Variants in CMTR1 observed in about 807,000 individuals in gnomAD.
CMTR1 encodes the protein cap methyltransferase 1, also known as cap-specific mRNA (nucleoside-2'-O-)-methyltransferase 1.
Under a neutral mutation model 107.0 loss-of-function variants are expected in CMTR1, and 39 were observed. The observed-to-expected ratio is 0.36, with a 90% CI of 0.28 to 0.48. CMTR1 has a LOEUF of 0.48. Ranked by LOEUF, CMTR1 falls within the 20% of genes least tolerant of loss-of-function variation. The pLI is 0.99. For synonymous variants in CMTR1, 366 were observed against 379.5 expected (o/e 0.96, Z 0.41); for missense variants, 672 against 1,064.9 (o/e 0.63, Z 5.14).
rs1562122766 is a variant in CMTR1 at position 37,458,315 on chromosome 6, A to G, written c.778-297A>G. The stretch of plus-strand genomic sequence containing the variant: ...AGGCTATCTGCCTCTCTGGCCTCCC[A>G]AAGTGCTGGGATTACAGGCTTGAGC... On this transcript the variant is annotated intron_variant, in intron 8 of 23. Coordinates refer to ENST00000373451, the MANE Select transcript of CMTR1 (RefSeq NM_015050.3). The surrounding 1 kb of genome is among the most constrained non-coding windows in gnomAD (Gnocchi z 4.7). 6.6e-6 allele frequency among the ~76,000 whole-genome samples: 1 copy of G among 152,118 alleles called. No individual in the cohort carries two copies. Among genetic ancestry groups the G allele is most frequent in the East Asian group, 1.9e-4 (1 of 5,196 alleles).
Position 37,478,392 on chromosome 6 carries a change from C to A in CMTR1, c.2154-17C>A. On this transcript the variant is annotated splice_polypyrimidine_tract_variant and intron_variant, in intron 21 of 23. Coordinates refer to ENST00000373451, the MANE Select transcript of CMTR1 (RefSeq NM_015050.3). ...GGCCTTTTCTCTCTCATGCACGTAC[C>A]TTCTCGGGGAAATCAGGTTGGAGAT... 6.2e-7 allele frequency: 1 copy of A among 1,603,812 alleles called. No individual in the cohort carries two copies. The highest frequency in any genetic ancestry group is 8.5e-7 in the Non-Finnish European group (1 of 1,170,694).
At chr6:37,456,287 T>C (rs1761293195) in intron 8 of CMTR1, among the ~76,000 whole-genome samples, 1 of 152,228 alleles carries the variant, frequency 6.6e-6, no homozygotes, top group South Asian at 2.1e-4. Flanking sequence ...CCATTAGGTC[T>C]TTTTTGTGTG....
chr6:37,425,013 A>G, the CMTR1 span, among the ~76,000 whole-genome samples: 5 of 143,168 alleles, frequency 3.5e-5, no homozygotes, highest in Non-Finnish European at 7.5e-5. Flanking sequence ...CAGTGGCGCA[A>G]TCTCAGCTCA....
intron 20 of CMTR1, 86 bp from the exon 21 acceptor site, chr6:37,477,506 A>G: frequency 1.6e-6 from 2 of 1,220,694 alleles, no homozygotes; most frequent in Non-Finnish European, 2.4e-6. Context: ...GCCAAGGTCA[A>G]GTGCAGTCTC....
chr6:37,445,598 C>T (rs941569985), intron 3 of CMTR1, among the ~76,000 whole-genome samples: 1 of 147,904 alleles, frequency 6.8e-6, no homozygotes, highest in African/African-American at 2.5e-5. Context: ...ATGCCATTGT[C>T]CTGCCTCAGC....
At chr6:37,465,221 C>T (rs569661658) in intron 13 of CMTR1, among the ~76,000 whole-genome samples, 11 of 151,404 alleles carry the variant, frequency 7.3e-5, no homozygotes, top group East Asian at 5.8e-4. Flanking sequence ...GAGCCGAGAT[C>T]GCGCCATCGT....
chr6:37,460,956 C>T (rs1258882576), intron 10 of CMTR1, among the ~76,000 whole-genome samples: 1 of 152,152 alleles, frequency 6.6e-6, no homozygotes, highest in East Asian at 1.9e-4. Flanking sequence ...ATCACACATT[C>T]TTTCAGTAAA....
chr6:37,452,348 A>G (rs1581736566), intron 6 of CMTR1, among the ~76,000 whole-genome samples: 1 of 152,282 alleles, frequency 6.6e-6, no homozygotes, highest in East Asian at 1.9e-4. Context: ...GGTGTGAAGT[A>G]CCTGGGTAAA....
chr6:37,478,089 A>G (rs1223148366), intron 21 of CMTR1, among the ~76,000 whole-genome samples: 1 of 152,154 alleles, frequency 6.6e-6, no homozygotes, highest in African/African-American at 2.4e-5. Context: ...TAGAGGTTAC[A>G]TTAACTCTTC....
At chr6:37,428,312 T>G (rs1014706449), upstream of CMTR1, among the ~76,000 whole-genome samples, 12 of 152,302 alleles carry the variant, frequency 7.9e-5, no homozygotes, top group African/African-American at 2.6e-4. Context: ...GTATGTTGTG[T>G]TGTTGTTGTT....
At chr6:37,461,727 G>T in intron 11 of CMTR1, 82 bp downstream of exon 11, 1 of 1,024,238 alleles carries the variant, frequency 9.8e-7, no homozygotes. Flanking sequence ...GGGGTTGGTG[G>T]GGAAGTTAAA....
chr6:37,458,820 T>A lies in CMTR1; in HGVS notation c.976+10T>A. Reference sequence around the variant, plus strand: ...TTCGAACCCTACTATGGTAGGGACATTGAGGAGGGTACTAGGAGGTATGAG... The same window carrying A: ...TTCGAACCCTACTATGGTAGGGACAATGAGGAGGGTACTAGGAGGTATGAG... On this transcript the variant is annotated intron_variant, in intron 9 of 23. Coordinates refer to ENST00000373451, the MANE Select transcript of CMTR1 (RefSeq NM_015050.3). This position sits in a 1 kb window ranked among gnomAD's most constrained non-coding sequence, Gnocchi z 4.7. 6.2e-7 allele frequency: 1 copy of A among 1,612,972 alleles called. No individual in the cohort carries two copies. Among genetic ancestry groups the A allele is most frequent in the Non-Finnish European group, 8.5e-7 (1 of 1,179,300 alleles).
chr6:37,444,001 T>C lies in CMTR1; in HGVS notation c.136T>C (p.Ser46Pro), dbSNP rs1266039711. The change falls in exon 3 of 24, where the codon TCT becomes CCT. Residue 46 changes from serine to proline, a missense_variant and splice_region_variant. Ser to Pro is a moderately conservative substitution (Grantham distance 74, BLOSUM62 -1). Transcript: ENST00000373451. ...PSSVSHGAKA[S>P]TTSLSGSDSE... ...ACATTTTCCTTTTTCTTTTTCAGCA[T>C]CTACTACAAGCCTTAGTGGGTCTGA... 2 of 1,611,408 alleles carry C rather than the reference T, an allele frequency of 1.2e-6. No individual in the cohort carries two copies. The highest frequency in any genetic ancestry group is 2.7e-5 in the African/African-American group (2 of 74,774).
At chr6:37,477,852 C>T (rs766424524) in intron 21 of CMTR1, among the ~76,000 whole-genome samples, 11 of 152,210 alleles carry the variant, frequency 7.2e-5, no homozygotes, top group African/African-American at 1.2e-4. Context: ...AGGAGGGAGC[C>T]AGGCGGGCTG....
rs538864411 is a variant in CMTR1 at position 37,454,815 on chromosome 6, T to A, written c.777+1503T>A. On this transcript the variant is annotated intron_variant, in intron 8 of 23. Transcript: ENST00000373451. ...AGTGATTTCTCTCGAGCCCCTGGTG[T>A]TTTATTTTCTCTTTTCATTTCCGTT... 3.9e-5 allele frequency among the ~76,000 whole-genome samples: 6 copies of A among 152,246 alleles called. No homozygotes were observed. The East Asian group carries it at 1.2e-3, about 29-fold the overall frequency.
Position 37,472,319 on chromosome 6 carries a change from C to T in CMTR1, c.1621-100C>T. On this transcript the variant is annotated intron_variant, in intron 15 of 23. Coordinates refer to ENST00000373451, the MANE Select transcript of CMTR1 (RefSeq NM_015050.3). This position sits in a 1 kb window ranked among gnomAD's most constrained non-coding sequence, Gnocchi z 4.1. ...CCTCCTTTGTTGTGTGCCATTCCTC[C>T]TCCCCAGTCTGACCCTATCTCCTCC... 9.5e-7 allele frequency: 1 copy of T among 1,051,786 alleles called. No homozygotes were observed. Among genetic ancestry groups the T allele is most frequent in the East Asian group, 2.4e-5 (1 of 42,036 alleles). The allele number at this position is 1,051,786 out of a possible 1,614,324, so 65.2% of individuals were successfully genotyped here. A position where few individuals can be genotyped will look rare whatever the true frequency, so the allele number is the denominator to read the frequency against.
At chr6:37,477,461 G>T in intron 20 of CMTR1, 131 bp from the exon 21 acceptor site, 2 of 775,862 alleles carry the variant, frequency 2.6e-6, no homozygotes, top group South Asian at 1.4e-5. Context: ...CGCTGCCGGT[G>T]GGCTGGGTGG....
intron 13 of CMTR1, among the ~76,000 whole-genome samples, chr6:37,470,536 C>T (rs549991259): frequency 3.9e-5 from 6 of 152,288 alleles, no homozygotes; most frequent in South Asian, 2.1e-4. Context: ...GGGCCATCTC[C>T]GGGTCTTGTT....
chr6:37,471,184 C>T lies in CMTR1; in HGVS notation c.1562+107C>T, dbSNP rs961348933. On this transcript the variant is annotated intron_variant, in intron 14 of 23. Coordinates refer to ENST00000373451, the MANE Select transcript of CMTR1 (RefSeq NM_015050.3). ...CATTTCAACAAACATTTTAAAACAC[C>T]TGCTTTTTTCTCATACTCTGCTATG... 1.5e-5 allele frequency: 14 copies of T among 964,750 alleles called. No individual in the cohort carries two copies. In the African/African-American group the frequency reaches 2.3e-4, roughly 16 times the overall value. The allele number at this position is 964,750 out of a possible 1,614,324, so 59.8% of individuals were successfully genotyped here.
Sources: gnomAD v4.1 joint callset for allele counts (sites outside exome capture counted in the v4.1 genomes callset) on GRCh38, gnomAD v4.1.1 for gene constraint, Gnocchi (gnomAD v3.1) non-coding constraint, MANE v1.5 for transcripts, NCBI Gene and HGNC (gene_info 2026-07-23, HGNC 2026-07-21) for gene names.